PRDM16: variants seen among roughly 807,000 people sequenced by gnomAD.
PRDM16 encodes the protein PR/SET domain 16.
In PRDM16, 23 loss-of-function variants were observed where a neutral mutation model predicts 110.6. The ratio of observed to expected loss-of-function variants is 0.21; its 90% CI spans 0.15 to 0.29. PRDM16 has a LOEUF of 0.29. PRDM16 is among the 10% of genes least tolerant of loss of function. The pLI, the probability that PRDM16 is intolerant of heterozygous loss-of-function variation, is 1.00. For synonymous variants in PRDM16, 799 were observed against 781.8 expected (o/e 1.02, Z -0.37); for missense variants, 1,615 against 1,794.3 (o/e 0.90, Z 1.81).
chr1:3,174,956 C>T (rs1206099274), intron 1 of PRDM16, among the ~76,000 whole-genome samples: 1 of 152,136 alleles, frequency 6.6e-6, no homozygotes, highest in African/African-American at 2.4e-5. Context: ...TAATAGCGGC[C>T]GCTTGGTTCT....
intron 1 of PRDM16, among the ~76,000 whole-genome samples, chr1:3,114,328 G>A (rs531064583): frequency 4.6e-5 from 6 of 130,734 alleles, no homozygotes; most frequent in African/African-American, 1.5e-4. Flanking sequence ...CACACGCAGT[G>A]TAAACAGACG....
At chr1:3,076,902 G>A (rs1257649454) in intron 1 of PRDM16, among the ~76,000 whole-genome samples, 3 of 152,140 alleles carry the variant, frequency 2.0e-5, no homozygotes, top group African/African-American at 7.2e-5. Flanking sequence ...GTGATGGTGG[G>A]TGTTTTTGGG....
At chr1:3,424,599 C>G (rs139387513) in intron 12 of PRDM16, among the ~76,000 whole-genome samples, 1 of 152,228 alleles carries the variant, frequency 6.6e-6, no homozygotes, top group Admixed American at 6.5e-5. Flanking sequence ...AAACCGAGCC[C>G]GGGAGCTGGC....
In PRDM16 at chr1:3,331,480, G is replaced by A. The variant is rs548995070; in HGVS notation, c.439-53672G>A. 9.3e-5 allele frequency among the ~76,000 whole-genome samples: 14 copies of A among 150,458 alleles called. 2 individuals are homozygous for A. The highest frequency in any genetic ancestry group is 6.9e-3 in the Middle Eastern group (2 of 290). On this transcript the variant is annotated intron_variant, in intron 3 of 16. Transcript: ENST00000270722. ...TGAATGAATGAATGAATGAACAGAT[G>A]AGCGAATAGCCCAGGCTCCACTTCC...
intron 3 of PRDM16, among the ~76,000 whole-genome samples, chr1:3,333,124 G>A (rs1057138896): frequency 6.6e-6 from 1 of 152,210 alleles, no homozygotes; most frequent in Non-Finnish European, 1.5e-5. Flanking sequence ...AGGTCACACG[G>A]CCTTACTCCT....
chr1:3,282,863 C>T (rs566231666), intron 3 of PRDM16, among the ~76,000 whole-genome samples: 3 of 152,296 alleles, frequency 2.0e-5, no homozygotes, highest in South Asian at 2.1e-4. Flanking sequence ...CCCAAGCTCC[C>T]GGGGTCACTC....
chr1:3,332,428 G>A (rs911644360), intron 3 of PRDM16, among the ~76,000 whole-genome samples: 10 of 152,020 alleles, frequency 6.6e-5, no homozygotes, highest in Non-Finnish European at 1.3e-4. Flanking sequence ...GCCGTGGGGC[G>A]GCTAGGGAGC....
At chr1:3,349,313 C>T (rs568919543) in intron 3 of PRDM16, among the ~76,000 whole-genome samples, 75 of 152,250 alleles carry the variant, frequency 4.9e-4, no homozygotes, top group Admixed American at 7.8e-4. Context: ...CGCACCGGCA[C>T]GCTGTGAGTG....
intron 1 of PRDM16, among the ~76,000 whole-genome samples, chr1:3,092,749 C>T (rs1172805879): frequency 2.6e-5 from 4 of 152,134 alleles, no homozygotes; most frequent in Admixed American, 6.5e-5. Context: ...GGGGCTGATG[C>T]ACTTTGGGGT....
rs928802702 is a variant in PRDM16, at chr1:3,081,620, G to A, written c.37+12324G>A. Reference sequence around the variant, plus strand: ...TCTTCCTTCTGTGAGCACGGGGGGTGAGCAGTGGGCAGCTCCAGGAAGCCT... The same window carrying A: ...TCTTCCTTCTGTGAGCACGGGGGGTAAGCAGTGGGCAGCTCCAGGAAGCCT... On this transcript the variant is annotated intron_variant, in intron 1 of 16. Coordinates refer to ENST00000270722, the MANE Select transcript of PRDM16 (RefSeq NM_022114.4). The surrounding 1 kb of genome is among the most constrained non-coding windows in gnomAD (Gnocchi z 4.6). Among the ~76,000 whole-genome samples the A allele has an allele frequency of 4.6e-5, 7 of 152,178 alleles. No individual in the cohort carries two copies. The highest frequency in any genetic ancestry group is 8.8e-5 in the Non-Finnish European group (6 of 68,028).
At chr1:3,341,097 C>G (rs145231785) in intron 3 of PRDM16, among the ~76,000 whole-genome samples, 5 of 152,032 alleles carry the variant, frequency 3.3e-5, no homozygotes, top group Non-Finnish European at 7.4e-5. Context: ...TCTGAGCCCT[C>G]GTTTCTCCCC....
intron 3 of PRDM16, among the ~76,000 whole-genome samples, chr1:3,273,978 A>AG (rs1337387699): frequency 1.5e-5 from 2 of 136,926 alleles, no homozygotes; most frequent in Non-Finnish European, 3.1e-5. Context: ...TGGGGAGGTA[A>AG]AAAAAAAAAA....
At chr1:3,193,962 T>C (rs905568787) in intron 2 of PRDM16, among the ~76,000 whole-genome samples, 3 of 152,136 alleles carry the variant, frequency 2.0e-5, no homozygotes, top group African/African-American at 7.2e-5. Context: ...AACGTCCCAG[T>C]GTCAGACCCA....
chr1:3,224,408 G>A lies in PRDM16; in HGVS notation c.388-19679G>A, dbSNP rs375943384. On this transcript the variant is annotated intron_variant, in intron 2 of 16. Coordinates refer to ENST00000270722, the MANE Select transcript of PRDM16 (RefSeq NM_022114.4). ...TGTCTCCCTCTGGAGGCCCCGGTGC[G>A]CCCCTCTCGCTGGGGTACCAGCTTC... is the stretch of plus-strand genomic sequence containing the variant. Among the ~76,000 whole-genome samples, 234 of 152,092 alleles carry A rather than the reference G, an allele frequency of 1.5e-3. 3 individuals carry two copies. The highest frequency in any genetic ancestry group is 7.5e-3 in the South Asian group (36 of 4,816).
At chr1:3,219,408 T>C (rs1639101599) in intron 2 of PRDM16, among the ~76,000 whole-genome samples, 1 of 152,110 alleles carries the variant, frequency 6.6e-6, no homozygotes, top group Non-Finnish European at 1.5e-5. Flanking sequence ...AAGACACACA[T>C]TGTCTGCCGT....
rs1337704613 is a variant in PRDM16 at position 3,390,443 on chromosome 1, G to A, written c.573+5157G>A. ...AGCCCCAATCTGCATAGCGCCCTGG[G>A]GCTGCCTGGGCATCAGACAAACCCC... On this transcript the variant is annotated intron_variant, in intron 4 of 16. Transcript: ENST00000270722. The surrounding 1 kb of genome is among the most constrained non-coding windows in gnomAD (Gnocchi z 5.0). Among the ~76,000 whole-genome samples, 1 of 152,194 alleles carries A rather than the reference G, an allele frequency of 6.6e-6. No homozygotes were observed. Among genetic ancestry groups the A allele is most frequent in the Admixed American group, 6.5e-5 (1 of 15,286 alleles).
intron 8 of PRDM16, among the ~76,000 whole-genome samples, chr1:3,409,076 C>T (rs986880127): frequency 8.6e-5 from 12 of 139,686 alleles, no homozygotes; most frequent in African/African-American, 2.9e-4. Flanking sequence ...CACGTGACAG[C>T]GTGAGTGTGG....
intron 3 of PRDM16, among the ~76,000 whole-genome samples, chr1:3,364,603 C>A (rs377042211): frequency 6.6e-6 from 1 of 152,180 alleles, no homozygotes; most frequent in Non-Finnish European, 1.5e-5. Flanking sequence ...GGCTCCTGCA[C>A]GTGGCCCCCT....
At chr1:3,118,956 A>G (rs948647143) in intron 1 of PRDM16, among the ~76,000 whole-genome samples, 6 of 152,150 alleles carry the variant, frequency 3.9e-5, no homozygotes. Context: ...TTGGCAAGAA[A>G]ACACCCTGGC....
Sources: allele counts gnomAD v4.1 joint callset (sites outside exome capture counted in the v4.1 genomes callset), GRCh38; gene constraint gnomAD v4.1.1; non-coding constraint Gnocchi (gnomAD v3.1); transcripts MANE v1.5; gene names NCBI Gene and HGNC (gene_info 2026-07-23, HGNC 2026-07-21).